SCAPER: variants seen among roughly 807,000 people sequenced by gnomAD.
SCAPER encodes S phase cyclin A-associated protein in the endoplasmic reticulum.
SCAPER carries 98 observed loss-of-function variants against 182.2 expected under a neutral mutation model. The observed-to-expected ratio is 0.54, with a 90% confidence interval of 0.46 to 0.64. The LOEUF is 0.64. Ranked by LOEUF, SCAPER falls within the 30% of genes least tolerant of loss-of-function variation. The probability of loss-of-function intolerance (pLI) is 0.00; values close to 1 mark genes in which losing one functional copy is unlikely to be tolerated. For synonymous variants in SCAPER, 605 were observed against 564.6 expected, an observed-to-expected ratio of 1.07 and a Z score of -1.01; for missense variants, 1,432 against 1,690.0, an observed-to-expected ratio of 0.85 and a Z score of 2.68.
At chr15:76,827,418 T>C (rs2068105107) in intron 5 of SCAPER, among the ~76,000 whole-genome samples, 2 of 152,110 alleles carry the variant, frequency 1.3e-5, no homozygotes, top group African/African-American at 2.4e-5. Context: ...AATTATAACA[T>C]AACCAAAAAA....
chr15:76,491,996 T>C (rs1031286797), intron 24 of SCAPER, among the ~76,000 whole-genome samples: 2 of 152,226 alleles, frequency 1.3e-5, no homozygotes, highest in African/African-American at 4.8e-5. Context: ...TTAGTGTGTA[T>C]TTCTTAATGA....
intron 15 of SCAPER, among the ~76,000 whole-genome samples, chr15:76,745,216 G>A (rs1219310001): frequency 6.6e-6 from 1 of 152,112 alleles, no homozygotes; most frequent in Non-Finnish European, 1.5e-5. Context: ...GAGGTGGGTG[G>A]ATCACCTGAG....
At chr15:76,481,024 C>T (rs2051089968) in intron 24 of SCAPER, among the ~76,000 whole-genome samples, 1 of 152,234 alleles carries the variant, frequency 6.6e-6, no homozygotes. Flanking sequence ...AGCCACCGCG[C>T]CCGGCCCACT....
rs555732889 is a variant in SCAPER at position 76,592,312 on chromosome 15, G to A, written c.2712-18028C>T. 1.1e-4 allele frequency among the ~76,000 whole-genome samples: 7 copies of A among 66,082 alleles called. 1 individual carries two copies. The highest frequency in any genetic ancestry group is 2.2e-4 in the African/African-American group (7 of 31,982). The allele number at this position is 66,082 out of a possible 152,430, so 43.4% of individuals were successfully genotyped here. ...TTATGTAATTGTTAAAGCAGAGTTA[G>A]GCCAACTACAGCCCACAGCCCACTG... On this transcript the variant is annotated intron_variant, in intron 22 of 31. Coordinates refer to ENST00000563290, the MANE Select transcript of SCAPER (RefSeq NM_020843.4).
chr15:76,744,385 T>C (rs1378446331), intron 15 of SCAPER, among the ~76,000 whole-genome samples: 1 of 151,992 alleles, frequency 6.6e-6, no homozygotes, highest in Non-Finnish European at 1.5e-5. Flanking sequence ...TTGCAAACAA[T>C]GCATCTAACA....
intron 25 of SCAPER, among the ~76,000 whole-genome samples, chr15:76,457,142 A>C (rs563632697): frequency 2.6e-4 from 40 of 151,802 alleles, no homozygotes; most frequent in South Asian, 1.9e-3. Flanking sequence ...GGCTCGCCGC[A>C]ACCTCCGCCT....
chr15:76,803,199 T>A (rs2065915628), intron 6 of SCAPER, among the ~76,000 whole-genome samples: 1 of 152,204 alleles, frequency 6.6e-6, no homozygotes, highest in African/African-American at 2.4e-5. Context: ...CATGCTACTC[T>A]CCCCTTGTTC....
chr15:76,740,608 G>A (rs2061491708), intron 15 of SCAPER, among the ~76,000 whole-genome samples: 2 of 152,058 alleles, frequency 1.3e-5, no homozygotes, highest in Non-Finnish European at 2.9e-5. Flanking sequence ...TCATAAATAT[G>A]ATCTCAAACC....
intron 23 of SCAPER, among the ~76,000 whole-genome samples, chr15:76,526,121 T>A (rs1273626290): frequency 1.3e-5 from 2 of 152,278 alleles, no homozygotes; most frequent in East Asian, 3.9e-4. Context: ...ATATATCCTA[T>A]TCCTTCCCTC....
chr15:76,539,306 G>A (rs1322223182), intron 23 of SCAPER, among the ~76,000 whole-genome samples: 1 of 152,122 alleles, frequency 6.6e-6, no homozygotes, highest in Non-Finnish European at 1.5e-5. Context: ...TTTTGTGCAA[G>A]TAAACCTAAA....
At chr15:76,457,066 C>CTT (rs556374437) in intron 25 of SCAPER, among the ~76,000 whole-genome samples, 7 of 142,042 alleles carry the variant, frequency 4.9e-5, no homozygotes, top group African/African-American at 5.1e-5. Flanking sequence ...GCTTTACACA[C>CTT]TTTTTTTTTT....
chr15:76,686,149 T>C (rs1257330999), intron 20 of SCAPER, among the ~76,000 whole-genome samples: 2 of 151,938 alleles, frequency 1.3e-5, no homozygotes, highest in African/African-American at 4.8e-5. Flanking sequence ...GTTATAGATA[T>C]TTCCAATATA....
intron 24 of SCAPER, among the ~76,000 whole-genome samples, chr15:76,485,024 T>C (rs2051482799): frequency 6.6e-6 from 1 of 152,162 alleles, no homozygotes; most frequent in Non-Finnish European, 1.5e-5. Context: ...ACCACTCCTA[T>C]TCAACACAGA....
chr15:76,787,474 A>T (rs1305291526), intron 8 of SCAPER, among the ~76,000 whole-genome samples: 1 of 152,224 alleles, frequency 6.6e-6, no homozygotes, highest in East Asian at 1.9e-4. Flanking sequence ...CCACAAACAC[A>T]TGCCACCACG....
chr15:76,817,992 G>A (rs2067224619), intron 5 of SCAPER, among the ~76,000 whole-genome samples: 1 of 152,120 alleles, frequency 6.6e-6, no homozygotes. Context: ...ACTCAGTAGA[G>A]CCAATACAAT....
chr15:76,351,345 A>G (rs2040532638), intron 30 of SCAPER, 57 bp from the exon 31 acceptor site: 3 of 1,491,356 alleles, frequency 2.0e-6, no homozygotes, highest in Non-Finnish European at 2.7e-6. Context: ...GAATTTCACT[A>G]AGGGTGGCTT....
intron 14 of SCAPER, among the ~76,000 whole-genome samples, chr15:76,763,066 T>C (rs2062890321): frequency 6.6e-6 from 1 of 152,218 alleles, no homozygotes; most frequent in South Asian, 2.1e-4. Flanking sequence ...CATACTTTCC[T>C]TCATACGCTT....
At chr15:76,421,614 T>G (rs1385214015) in intron 26 of SCAPER, among the ~76,000 whole-genome samples, 1 of 152,214 alleles carries the variant, frequency 6.6e-6, no homozygotes, top group African/African-American at 2.4e-5. Flanking sequence ...GTGCAGAAGC[T>G]CTTTAGTTTA....
intron 8 of SCAPER, among the ~76,000 whole-genome samples, chr15:76,782,416 C>T (rs1598704927): frequency 6.6e-6 from 1 of 152,196 alleles, no homozygotes; most frequent in East Asian, 1.9e-4. Context: ...ACTTAGACTC[C>T]CACACAATAA....
Sources: allele counts gnomAD v4.1 joint callset (sites outside exome capture counted in the v4.1 genomes callset), GRCh38; gene constraint gnomAD v4.1.1; transcripts MANE v1.5; gene names NCBI Gene and HGNC (gene_info 2026-07-23, HGNC 2026-07-21).